The following MYO5B variants were observed in gnomAD, a reference collection of about 807,000 sequenced individuals.
The protein encoded by MYO5B is myosin VB, also known as unconventional myosin-Vb.
Under a neutral mutation model 229.3 loss-of-function variants are expected in MYO5B, and 143 were observed. The observed-to-expected ratio is 0.62, with a 90% CI of 0.54 to 0.72. The LOEUF (loss-of-function observed/expected upper bound fraction) is 0.72. Among genes scored for constraint, MYO5B ranks in the 30% least tolerant of loss-of-function variants. The pLI, the probability that MYO5B is intolerant of heterozygous loss-of-function variation, is 0.00. For missense variants in MYO5B, 2,321 were observed against 2,331.0 expected (o/e 1.00, Z 0.09); for synonymous variants, 918 against 885.2 (o/e 1.04, Z -0.66).
At chr18:50,048,695 A>C (rs910550002) in intron 2 of MYO5B, among the ~76,000 whole-genome samples, 1 of 152,144 alleles carries the variant, frequency 6.6e-6, no homozygotes, top group Admixed American at 6.5e-5. Flanking sequence ...CTGAGAAGTC[A>C]GCAGGAAATC....
At chr18:50,105,886 A>T (rs910470268) in intron 1 of MYO5B, among the ~76,000 whole-genome samples, 2 of 152,126 alleles carry the variant, frequency 1.3e-5, no homozygotes, top group African/African-American at 4.8e-5. Flanking sequence ...TTCTGGCACA[A>T]AAACAGAGCT....
intron 27 of MYO5B, among the ~76,000 whole-genome samples, chr18:49,870,330 G>A (rs560024699): frequency 2.0e-5 from 3 of 152,262 alleles, no homozygotes; most frequent in African/African-American, 4.8e-5. Context: ...ACCTAAAATT[G>A]TAAAACTCTC....
chr18:49,880,291 C>T, intron 23 of MYO5B, 80 bp downstream of exon 23: 1 of 1,217,984 alleles, frequency 8.2e-7, no homozygotes, highest in Middle Eastern at 1.9e-4. Flanking sequence ...TAACTGCATG[C>T]TTGCTAGGAG....
intron 4 of MYO5B, among the ~76,000 whole-genome samples, chr18:50,006,691 G>A (rs1378022176): frequency 3.3e-5 from 5 of 152,056 alleles, no homozygotes; most frequent in African/African-American, 1.2e-4. Flanking sequence ...AGTGCTTTAG[G>A]CTGATGAGCA....
At chr18:50,102,571 C>A (rs559808440) in intron 1 of MYO5B, among the ~76,000 whole-genome samples, 1 of 152,188 alleles carries the variant, frequency 6.6e-6, no homozygotes, top group South Asian at 2.1e-4. Flanking sequence ...CCACAATTAG[C>A]AAAATACCTC....
intron 1 of MYO5B, among the ~76,000 whole-genome samples, chr18:50,159,615 C>T (rs533307473): frequency 2.6e-5 from 4 of 152,262 alleles, no homozygotes; most frequent in African/African-American, 9.6e-5. Flanking sequence ...AATCCCAAAT[C>T]CTCCCCCACA....
At chr18:50,103,709 C>G (rs948549976) in intron 1 of MYO5B, among the ~76,000 whole-genome samples, 2 of 152,118 alleles carry the variant, frequency 1.3e-5, no homozygotes, top group African/African-American at 4.8e-5. Flanking sequence ...CCACTGCACT[C>G]CAGCCCATGC....
chr18:50,162,600 A>G lies in MYO5B; in HGVS notation c.27+32167T>C, dbSNP rs1305071019. Among the ~76,000 whole-genome samples the G allele has an allele frequency of 3.9e-5, 6 of 152,348 alleles. No individual in the cohort carries two copies. In the East Asian group the frequency reaches 1.2e-3, roughly 29 times the overall value. On this transcript the variant is annotated intron_variant, in intron 1 of 39. Coordinates refer to ENST00000285039, the MANE Select transcript of MYO5B (RefSeq NM_001080467.3). ...GTTGGCTCATCAGGACATCTTTGGC[A>G]TATTCCAAAAGCAAACTGGGCGGCC...
chr18:49,937,168 C>G, intron 15 of MYO5B, 77 bp downstream of exon 15: 3 of 1,557,846 alleles, frequency 1.9e-6, no homozygotes, highest in Non-Finnish European at 2.7e-6. Context: ...CCCTCTCACC[C>G]TGCCGCCATC....
intron 5 of MYO5B, among the ~76,000 whole-genome samples, chr18:49,994,153 G>A (rs1378234457): frequency 6.6e-6 from 1 of 152,074 alleles, no homozygotes; most frequent in Non-Finnish European, 1.5e-5. Context: ...GAGACTAGGG[G>A]AGCACCTCCT....
chr18:50,045,652 G>A (rs912544119), intron 2 of MYO5B, among the ~76,000 whole-genome samples: 1 of 152,194 alleles, frequency 6.6e-6, no homozygotes, highest in African/African-American at 2.4e-5. Flanking sequence ...GCCTCCCAAA[G>A]TGTGAGATTA....
intron 29 of MYO5B, among the ~76,000 whole-genome samples, chr18:49,858,387 C>T (rs910616004): frequency 4.6e-5 from 7 of 152,222 alleles, no homozygotes; most frequent in Admixed American, 2.0e-4. Context: ...AGCGCATCAG[C>T]GCTGAAAGGG....
chr18:50,029,868 G>A (rs2026369169), intron 4 of MYO5B, among the ~76,000 whole-genome samples: 1 of 152,074 alleles, frequency 6.6e-6, no homozygotes, highest in Non-Finnish European at 1.5e-5. Flanking sequence ...ACCACTTACA[G>A]GAAAAACCTG....
intron 14 of MYO5B, among the ~76,000 whole-genome samples, chr18:49,952,010 A>G (rs1194425079): frequency 3.3e-5 from 5 of 152,264 alleles, no homozygotes; most frequent in African/African-American, 4.8e-5. Context: ...CCCACGGCCA[A>G]TTTGTCCCAG....
chr18:49,961,943 T>C (rs148974585), intron 12 of MYO5B, among the ~76,000 whole-genome samples: 146 of 152,314 alleles, frequency 9.6e-4, no homozygotes, highest in African/African-American at 3.4e-3. Context: ...GGATGCCCAT[T>C]AGATGTTGCA....
chr18:50,099,059 A>G (rs748331190), intron 1 of MYO5B: 3 of 152,686 alleles, frequency 2.0e-5, no homozygotes, highest in Non-Finnish European at 4.4e-5. Flanking sequence ...AACTGCTTAG[A>G]GGCTTCAAGC....
chr18:50,026,967 T>C (rs1344824473), intron 4 of MYO5B, among the ~76,000 whole-genome samples: 2 of 152,182 alleles, frequency 1.3e-5, no homozygotes, highest in African/African-American at 4.8e-5. Context: ...GACACTCAAC[T>C]CTTAGCCGCC....
intron 7 of MYO5B, among the ~76,000 whole-genome samples, chr18:49,988,733 G>A (rs757022122): frequency 1.3e-5 from 2 of 152,192 alleles, no homozygotes; most frequent in Non-Finnish European, 2.9e-5. Flanking sequence ...GAGGAGGATG[G>A]CAGTGGCCCC....
intron 12 of MYO5B, among the ~76,000 whole-genome samples, chr18:49,957,673 A>T (rs1211501549): frequency 3.4e-5 from 4 of 117,038 alleles, no homozygotes; most frequent in Admixed American, 1.7e-4. Context: ...AAAACAAAAC[A>T]AAAAAAGCCA....
Sources: gnomAD v4.1 joint callset for allele counts (sites outside exome capture counted in the v4.1 genomes callset) on GRCh38, gnomAD v4.1.1 for gene constraint, MANE v1.5 for transcripts, NCBI Gene and HGNC (gene_info 2026-07-23, HGNC 2026-07-21) for gene names.